Variants in KHDC1 observed in about 807,000 individuals in gnomAD.
The protein encoded by KHDC1 is KH homology domain-containing protein 1.
KHDC1 carries 21 observed loss-of-function variants against 24.7 expected under a neutral mutation model. The observed-to-expected ratio is 0.85, with a 90% confidence interval of 0.60 to 1.23. The LOEUF is 1.23. Ranked by LOEUF, KHDC1 falls within the 50% of genes most tolerant of loss-of-function variation. KHDC1 has a pLI of 0.00. For synonymous variants in KHDC1, 98 were observed against 111.7 expected, an observed-to-expected ratio of 0.88 and a Z score of 0.77; for missense variants, 274 against 298.5, an observed-to-expected ratio of 0.92 and a Z score of 0.61.
chr6:73,292,567 T>G, intron 1 of KHDC1: 1 of 766,814 alleles, frequency 1.3e-6, no homozygotes, highest in Non-Finnish European at 2.4e-6. Context: ...ATTCTGTGAG[T>G]TCTCCACTCC....
chr6:73,263,132 G>A (rs1473356704), intron 2 of KHDC1: 25 of 993,118 alleles, frequency 2.5e-5, no homozygotes, highest in Non-Finnish European at 9.6e-6. Flanking sequence ...CCTGGGCCGC[G>A]CACCCGACCC....
At chr6:73,302,403 T>G (rs1418806019) in intron 1 of KHDC1, among the ~76,000 whole-genome samples, 1 of 152,224 alleles carries the variant, frequency 6.6e-6, no homozygotes, top group African/African-American at 2.4e-5. Flanking sequence ...TTCATAGTTG[T>G]GCAAACATTA....
chr6:73,298,584 C>T (rs990080651), intron 1 of KHDC1, among the ~76,000 whole-genome samples: 7 of 150,898 alleles, frequency 4.6e-5, no homozygotes, highest in South Asian at 2.1e-4. Flanking sequence ...TACAGGCACC[C>T]GCCACCACAC....
At chr6:73,250,173 A>C (rs752190034) in intron 2 of KHDC1, among the ~76,000 whole-genome samples, 14 of 152,148 alleles carry the variant, frequency 9.2e-5, no homozygotes, top group Non-Finnish European at 5.9e-5. Context: ...TTTTCAACTC[A>C]CAGATGATGT....
At position 73,307,953 on chromosome 6, in the gene KHDC1, G is replaced by T. The variant is rs549537436; in HGVS notation, c.163+1599C>A. ...CTCGCTCTGTCGCCCAGGCTGGAGT[G>T]CAGTAATGGTGCAATCCCTGCTTAC... On this transcript the variant is annotated intron_variant, in intron 1 of 4. Transcript: ENST00000370384. Among the ~76,000 whole-genome samples the T allele has an allele frequency of 4.5e-4, 68 of 152,136 alleles. 1 individual carries two copies. In the South Asian group the frequency reaches 0.013, roughly 30 times the overall value.
At chr6:73,271,332 C>T (rs567682832) in intron 2 of KHDC1, among the ~76,000 whole-genome samples, 33 of 151,712 alleles carry the variant, frequency 2.2e-4, no homozygotes, top group Non-Finnish European at 3.5e-4. Context: ...GCCTCAGCCT[C>T]CTCAGTAGCT....
Position 73,294,450 on chromosome 6 carries a change from A to G in KHDC1, c.164-2410T>C, listed in dbSNP as rs371127280. 5.3e-5 allele frequency among the ~76,000 whole-genome samples: 8 copies of G among 152,272 alleles called. No homozygotes were observed. The East Asian group carries it at 1.5e-3, about 29-fold the overall frequency. Reference sequence around the variant, plus strand: ...ATAATTTCTATCATAACTAGCAGCTACTTCCTAATTTGATATGTAGCATCC... The same window carrying G: ...ATAATTTCTATCATAACTAGCAGCTGCTTCCTAATTTGATATGTAGCATCC... On this transcript the variant is annotated intron_variant, in intron 1 of 4. Transcript: ENST00000370384.
intron 1 of KHDC1, among the ~76,000 whole-genome samples, chr6:73,294,003 C>CT (rs1481954588): frequency 1.6e-5 from 2 of 125,780 alleles, no homozygotes; most frequent in African/African-American, 5.8e-5. Flanking sequence ...GAGACTCCAC[C>CT]TCAAAAAAAA....
intron 2 of KHDC1, among the ~76,000 whole-genome samples, chr6:73,259,447 C>G (rs1215200907): frequency 1.3e-5 from 2 of 152,040 alleles, no homozygotes; most frequent in Admixed American, 1.3e-4. Context: ...CAGCCATGCA[C>G]TACCACACCT....
intron 3 of KHDC1, 29 bp from the exon 3 acceptor site, chr6:73,242,266 C>A: frequency 1.2e-6 from 2 of 1,606,938 alleles, no homozygotes; most frequent in Non-Finnish European, 1.7e-6. Context: ...AGAGGAGGTT[C>A]TGTCAAGCAC....
chr6:73,278,299 G>A (rs982447497), intron 2 of KHDC1, among the ~76,000 whole-genome samples: 2 of 151,788 alleles, frequency 1.3e-5, no homozygotes, highest in East Asian at 3.9e-4. Context: ...TTACAGGCGT[G>A]AGCCATGGCG....
intron 2 of KHDC1, chr6:73,262,933 C>T: frequency 1.0e-6 from 1 of 988,904 alleles, no homozygotes. Context: ...ACCGGACTAA[C>T]CGAGTTCGAG....
chr6:73,241,912 A>T, intron 4 of KHDC1, 143 bp downstream of exon 3: 1 of 1,078,786 alleles, frequency 9.3e-7, no homozygotes, highest in South Asian at 1.6e-5. Context: ...AAAAAAGATG[A>T]GCACTTTTCT....
chr6:73,243,049 T>C (rs1376138043), intron 2 of KHDC1, among the ~76,000 whole-genome samples: 2 of 152,142 alleles, frequency 1.3e-5, no homozygotes, highest in African/African-American at 4.8e-5. Context: ...AGGAGTTGAC[T>C]GGGTGAGTCT....
chr6:73,288,518 G>A lies in KHDC1; in HGVS notation c.206+3480C>T, dbSNP rs1428718459. On this transcript the variant is annotated intron_variant, in intron 2 of 4. Transcript: ENST00000370384. ...TGCCTGTAGTCCCAGCTACTCAGGA[G>A]GCTGAGGCAGGAGAATCACTTGAAC... 3.3e-5 allele frequency among the ~76,000 whole-genome samples: 5 copies of A among 152,286 alleles called. No individual in the cohort carries two copies. The South Asian group carries it at 8.3e-4, about 25-fold the overall frequency.
At chr6:73,287,564 C>A (rs780716765) in intron 2 of KHDC1, among the ~76,000 whole-genome samples, 1 of 152,146 alleles carries the variant, frequency 6.6e-6, no homozygotes, top group East Asian at 1.9e-4. Flanking sequence ...GAAGGAGAGG[C>A]CAGATCCCCA....
At chr6:73,282,807 T>C (rs1373926050) in intron 2 of KHDC1, among the ~76,000 whole-genome samples, 2 of 152,054 alleles carry the variant, frequency 1.3e-5, no homozygotes, top group Non-Finnish European at 2.9e-5. Context: ...ACCTAACCAA[T>C]CAACACTCGA....
chr6:73,298,801 A>C (rs1767810996), intron 1 of KHDC1, among the ~76,000 whole-genome samples: 1 of 152,054 alleles, frequency 6.6e-6, no homozygotes, highest in African/African-American at 2.4e-5. Flanking sequence ...GCAGTGGTAC[A>C]ATCATAGCTC....
intron 2 of KHDC1, among the ~76,000 whole-genome samples, chr6:73,272,227 G>A (rs559738429): frequency 6.6e-6 from 1 of 151,528 alleles, no homozygotes; most frequent in South Asian, 2.1e-4. Flanking sequence ...GCAGTGGAGC[G>A]ATCTCGGCTC....
Sources: gnomAD v4.1 joint callset for allele counts (sites outside exome capture counted in the v4.1 genomes callset) on GRCh38, gnomAD v4.1.1 for gene constraint, MANE v1.5 for transcripts, NCBI Gene and HGNC (gene_info 2026-07-23, HGNC 2026-07-21) for gene names.